The following LDHC variants were observed in gnomAD, a reference collection of about 807,000 sequenced individuals.
LDHC encodes the protein lactate dehydrogenase C.
LDHC carries 20 observed loss-of-function variants against 30.2 expected under a neutral mutation model. The ratio of observed to expected loss-of-function variants is 0.66; its 90% confidence interval spans 0.47 to 0.96. The LOEUF is 0.96. LDHC is among the 40% of genes least tolerant of loss of function. The pLI, the probability that LDHC is intolerant of heterozygous loss-of-function variation, is 0.00. For missense variants in LDHC, 362 were observed against 394.9 expected (o/e 0.92, Z 0.71); for synonymous variants, 139 against 132.7 (o/e 1.05, Z -0.32).
intron 3 of LDHC, among the ~76,000 whole-genome samples, chr11:18,421,141 C>T (rs1327564226): frequency 6.6e-6 from 1 of 152,074 alleles, no homozygotes; most frequent in Non-Finnish European, 1.5e-5. Context: ...GCACCCTCCA[C>T]CTCCCAGGTT....
At position 18,429,890 on chromosome 11, in the gene LDHC, T is replaced by C; in HGVS notation, c.398T>C (p.Ile133Thr). 6.2e-7 allele frequency: 1 copy of C among 1,607,090 alleles called. No individual in the cohort carries two copies. The highest frequency in any genetic ancestry group is 8.5e-7 in the Non-Finnish European group (1 of 1,174,472). ...GTCCATTATAGTCCTGATTGTAAAA[T>C]TCTTGTTGTTTCAAATCCAGGTGAG... ...AIVHYSPDCK[I>T]LVVSNPVDIL... The change falls in exon 4 of 8, where the codon ATT becomes ACT. Residue 133 changes from isoleucine (I) to threonine (T), a missense_variant. Physicochemically the swap from Ile to Thr is moderately conservative, Grantham distance 89. Coordinates refer to ENST00000541669, the MANE Select transcript of LDHC (RefSeq NM_017448.5).
In LDHC at chr11:18,429,817, C is replaced by T. The variant is rs1329425987; in HGVS notation, c.325C>T (p.Leu109=). 1.9e-6 allele frequency: 3 copies of T among 1,612,118 alleles called. No individual in the cohort carries two copies. The highest frequency in any genetic ancestry group is 2.5e-6 in the Non-Finnish European group (3 of 1,178,246). ...GCAGGAGGGAGAAACTCGCCTTGCC[C>T]TGGTCCAACGTAATGTGGCTATAAT... ...RQQEGETRLA[L]VQRNVAIMKS... Residue 109 remains leucine, a synonymous_variant, in exon 4 of 8, where the codon CTG becomes TTG. Transcript: ENST00000541669.
At chr11:18,415,458 G>T (rs1231395972) in intron 3 of LDHC, among the ~76,000 whole-genome samples, 157 bp downstream of exon 3, 1 of 152,020 alleles carries the variant, frequency 6.6e-6, no homozygotes, top group Non-Finnish European at 1.5e-5. Context: ...TTTTGAGAGA[G>T]TCTCACTCTG....
chr11:18,413,009 TTTTC>T (rs1193221818), intron 2 of LDHC, among the ~76,000 whole-genome samples, 166 bp downstream of exon 2: 1 of 141,162 alleles, frequency 7.1e-6, no homozygotes, highest in Non-Finnish European at 1.5e-5. Context: ...CTTCCTTCCT[TTTTC>T]TTTCTCTCTT....
Position 18,450,981 on chromosome 11 carries a change from G to T in LDHC, c.853G>T (p.Glu285Ter), listed in dbSNP as rs2230150. 74 of 1,588,792 alleles carry T rather than the reference G, an allele frequency of 4.7e-5. No homozygotes were observed. In the South Asian group the frequency reaches 5.4e-4, roughly 12 times the overall value. ...CTTTCAGGGATTATATGGAATAAAA[G>T]AAGAACTCTTTCTCAGTATCCCTTG... The part of the protein sequence containing the change: ...TMVKGLYGIK[E>*]ELFLSIPCVL... Residue 285 changes from glutamate (E) to a stop codon, truncating the protein, a stop_gained, in exon 8 of 8, where the codon GAA becomes TAA. Coordinates refer to ENST00000541669, the MANE Select transcript of LDHC (RefSeq NM_017448.5). LOFTEE classifies it low-confidence loss of function (END_TRUNC).
intron 6 of LDHC, among the ~76,000 whole-genome samples, chr11:18,443,036 C>A (rs908176177): frequency 6.6e-6 from 1 of 152,122 alleles, no homozygotes; most frequent in Admixed American, 6.5e-5. Flanking sequence ...ACCAAAATAT[C>A]TTTTACTTTG....
intron 5 of LDHC, 50 bp from the exon 6 acceptor site, chr11:18,438,478 C>A: frequency 8.4e-7 from 1 of 1,196,258 alleles, no homozygotes; most frequent in South Asian, 1.2e-5. Flanking sequence ...ACTCAAACTC[C>A]TGATGCCATA....
chr11:18,443,115 C>CA (rs1848495435), intron 6 of LDHC, among the ~76,000 whole-genome samples: 1 of 151,962 alleles, frequency 6.6e-6, no homozygotes, highest in African/African-American at 2.4e-5. Context: ...TTTGTTTCAC[C>CA]AAAAAGCTTT....
At chr11:18,422,208 A>G (rs1416248422) in intron 3 of LDHC, among the ~76,000 whole-genome samples, 2 of 152,146 alleles carry the variant, frequency 1.3e-5, no homozygotes, top group Non-Finnish European at 2.9e-5. Flanking sequence ...AAATATAAGA[A>G]TAGGACAGCA....
chr11:18,419,631 G>A (rs1041162067), intron 3 of LDHC, among the ~76,000 whole-genome samples: 1 of 152,144 alleles, frequency 6.6e-6, no homozygotes, highest in Admixed American at 6.5e-5. Context: ...GCAAGAACCA[G>A]CATAACAGAA....
chr11:18,427,931 C>T (rs968996821), intron 3 of LDHC, among the ~76,000 whole-genome samples: 8 of 151,980 alleles, frequency 5.3e-5, no homozygotes, highest in Non-Finnish European at 8.8e-5. Context: ...CCCATCTCTA[C>T]CTCCTAAAGT....
intron 3 of LDHC, among the ~76,000 whole-genome samples, chr11:18,427,964 A>T (rs1848191750): frequency 6.6e-6 from 1 of 151,934 alleles, no homozygotes; most frequent in Non-Finnish European, 1.5e-5. Context: ...GGTGTGAGCC[A>T]CTGTGCCTGG....
intron 3 of LDHC, among the ~76,000 whole-genome samples, chr11:18,419,187 A>C (rs560465496): frequency 6.6e-6 from 1 of 152,234 alleles, no homozygotes; most frequent in East Asian, 1.9e-4. Context: ...TATTATACCT[A>C]CTCAACTCTG....
chr11:18,450,917 T>G (rs764502042), intron 7 of LDHC, 46 bp from the exon 8 acceptor site: 20 of 1,419,258 alleles, frequency 1.4e-5, no homozygotes, highest in Non-Finnish European at 9.7e-7. Flanking sequence ...GCATAGCTGC[T>G]TTTCCATATC....
intron 3 of LDHC, among the ~76,000 whole-genome samples, chr11:18,420,444 G>A (rs1328066184): frequency 6.6e-6 from 1 of 152,114 alleles, no homozygotes; most frequent in Non-Finnish European, 1.5e-5. Context: ...AGAAAAGGGA[G>A]AGGGTGACAA....
At chr11:18,420,983 TGTG>T (rs976626752) in intron 3 of LDHC, among the ~76,000 whole-genome samples, 2 of 152,174 alleles carry the variant, frequency 1.3e-5, no homozygotes, top group Non-Finnish European at 2.9e-5. Flanking sequence ...AAGCAGGAAG[TGTG>T]GTGATTAACT....
At chr11:18,425,942 G>GAA (rs113905566) in intron 3 of LDHC, among the ~76,000 whole-genome samples, 2 of 146,544 alleles carry the variant, frequency 1.4e-5, no homozygotes, top group African/African-American at 2.5e-5. Context: ...CTCTGTCTCA[G>GAA]AAAAAAAAAG....
At chr11:18,439,378 C>T (rs1260935073) in intron 6 of LDHC, among the ~76,000 whole-genome samples, 1 of 151,756 alleles carries the variant, frequency 6.6e-6, no homozygotes, top group Non-Finnish European at 1.5e-5. Context: ...GCCTGAACAA[C>T]ATGGTAAAAC....
intron 6 of LDHC, among the ~76,000 whole-genome samples, chr11:18,445,318 A>T (rs1848537958): frequency 6.6e-6 from 1 of 152,072 alleles, no homozygotes; most frequent in Admixed American, 6.6e-5. Flanking sequence ...CCTCTCCAGT[A>T]GCTGGGACTA....
Sources: gnomAD v4.1 joint callset for allele counts (sites outside exome capture counted in the v4.1 genomes callset) on GRCh38, gnomAD v4.1.1 for gene constraint, MANE v1.5 for transcripts, NCBI Gene and HGNC (gene_info 2026-07-23, HGNC 2026-07-21) for gene names.